The following TNFSF4 variants were observed in gnomAD, a reference collection of about 807,000 sequenced individuals.
TNFSF4 encodes the protein TNF superfamily member 4, also known as tumor necrosis factor ligand superfamily member 4.
Under a neutral mutation model 7.3 loss-of-function variants are expected in TNFSF4, and 4 were observed. That is an observed-to-expected ratio of 0.55 (90% CI 0.27 to 1.25). The LOEUF (loss-of-function observed/expected upper bound fraction) is 1.25, where lower values mean the gene tolerates loss of function less well. Ranked by LOEUF, TNFSF4 falls within the 50% of genes most tolerant of loss-of-function variation. The probability of loss-of-function intolerance (pLI) is 0.12; values close to 1 mark genes in which losing one functional copy is unlikely to be tolerated. For missense variants in TNFSF4, 181 were observed against 208.8 expected (o/e 0.87, Z 0.82); for synonymous variants, 76 against 83.7 (o/e 0.91, Z 0.50).
At chr1:173,360,735 C>A in the TNFSF4 span, among the ~76,000 whole-genome samples, 2 of 152,262 alleles carry the variant, frequency 1.3e-5, no homozygotes, top group East Asian at 3.9e-4. Context: ...AACTTCAGAG[C>A]AGGACTCACT....
chr1:173,207,879 C>T (rs944302132), upstream of TNFSF4, among the ~76,000 whole-genome samples: 1 of 152,206 alleles, frequency 6.6e-6, no homozygotes, highest in African/African-American at 2.4e-5. Context: ...GTGTCAGACA[C>T]TGTGTTAGAT....
At chr1:173,183,170 A>T (rs1362917839), downstream of TNFSF4, among the ~76,000 whole-genome samples, 6 of 152,192 alleles carry the variant, frequency 3.9e-5, no homozygotes, top group East Asian at 1.2e-3. Context: ...GTCCTGAAGT[A>T]CACCAGCATT....
At chr1:173,268,176 CA>C in the TNFSF4 span, among the ~76,000 whole-genome samples, 9 of 151,996 alleles carry the variant, frequency 5.9e-5, no homozygotes, top group African/African-American at 2.2e-4. Context: ...CCAAACAGAG[CA>C]AAAATGGTAA....
the TNFSF4 span, among the ~76,000 whole-genome samples, chr1:173,312,580 T>A: frequency 6.6e-6 from 1 of 152,094 alleles, no homozygotes; most frequent in East Asian, 1.9e-4. Context: ...CTAATGAAGA[T>A]AATGTTGAGG....
the TNFSF4 span, among the ~76,000 whole-genome samples, chr1:173,306,849 T>C: frequency 1.3e-5 from 2 of 151,898 alleles, no homozygotes; most frequent in African/African-American, 4.8e-5. Context: ...GGATTCGAAC[T>C]TCCCTGACTC....
At chr1:173,308,299 G>C in the TNFSF4 span, among the ~76,000 whole-genome samples, 2 of 149,688 alleles carry the variant, frequency 1.3e-5, no homozygotes, top group Non-Finnish European at 3.0e-5. Flanking sequence ...GTGTGTGTGT[G>C]TGTGTGTGTG....
the TNFSF4 span, among the ~76,000 whole-genome samples, chr1:173,290,961 A>G: frequency 1.3e-5 from 2 of 152,186 alleles, no homozygotes; most frequent in Non-Finnish European, 2.9e-5. Flanking sequence ...AAATTAAACA[A>G]CTTGCTCCTG....
chr1:173,299,685 G>A, the TNFSF4 span, among the ~76,000 whole-genome samples: 7 of 151,950 alleles, frequency 4.6e-5, no homozygotes, highest in South Asian at 1.0e-3. Context: ...GGCTTTATAT[G>A]GGATGATGCA....
At chr1:173,201,961 T>C (rs1649960653) in intron 1 of TNFSF4, among the ~76,000 whole-genome samples, 1 of 151,980 alleles carries the variant, frequency 6.6e-6, no homozygotes, top group South Asian at 2.1e-4. Context: ...CTAACCCAAA[T>C]GATGCAAAAG....
the TNFSF4 span, among the ~76,000 whole-genome samples, chr1:173,336,083 G>A: frequency 6.6e-6 from 1 of 152,170 alleles, no homozygotes; most frequent in Non-Finnish European, 1.5e-5. Flanking sequence ...GCATAATTAA[G>A]AGATATACTC....
chr1:173,269,343 A>T, the TNFSF4 span, among the ~76,000 whole-genome samples: 2 of 152,172 alleles, frequency 1.3e-5, no homozygotes, highest in Non-Finnish European at 2.9e-5. Context: ...ACTTCTTCAC[A>T]GTTTCACAGA....
At chr1:173,273,996 T>C in the TNFSF4 span, among the ~76,000 whole-genome samples, 1 of 152,050 alleles carries the variant, frequency 6.6e-6, no homozygotes, top group African/African-American at 2.4e-5. Context: ...GCAAGTGAAA[T>C]AGTGCAGAGA....
At chr1:173,301,065 T>C in the TNFSF4 span, among the ~76,000 whole-genome samples, 8 of 151,982 alleles carry the variant, frequency 5.3e-5, no homozygotes, top group Non-Finnish European at 1.2e-4. Context: ...AATTTCTTTA[T>C]GCCTAAGTCT....
the TNFSF4 span, among the ~76,000 whole-genome samples, chr1:173,428,230 C>A: frequency 7.2e-5 from 11 of 152,352 alleles, no homozygotes; most frequent in South Asian, 2.3e-3. Flanking sequence ...CAGGCGTGAG[C>A]CACCACGCCC....
the TNFSF4 span, among the ~76,000 whole-genome samples, chr1:173,284,320 C>T: frequency 4.6e-5 from 7 of 152,064 alleles, no homozygotes; most frequent in Admixed American, 3.9e-4. Context: ...GTAGCTAGAC[C>T]CTGGATAAAA....
intron 1 of TNFSF4, among the ~76,000 whole-genome samples, chr1:173,191,715 G>T (rs952605179): frequency 6.6e-5 from 10 of 152,188 alleles, no homozygotes; most frequent in Admixed American, 6.5e-5. Flanking sequence ...TGACTTCTCT[G>T]GTTCTTTGAA....
At chr1:173,440,189 T>C in the TNFSF4 span, among the ~76,000 whole-genome samples, 1 of 152,196 alleles carries the variant, frequency 6.6e-6, no homozygotes. Flanking sequence ...CCAGAGAACA[T>C]GCAGAACATC....
the TNFSF4 span, among the ~76,000 whole-genome samples, chr1:173,299,388 AG>A: frequency 4.0e-5 from 6 of 151,886 alleles, no homozygotes; most frequent in Admixed American, 1.3e-4. Flanking sequence ...CCTTGCCCCA[AG>A]GTGTTAGGAT....
the TNFSF4 span, among the ~76,000 whole-genome samples, chr1:173,288,022 G>A: frequency 3.3e-5 from 5 of 152,068 alleles, no homozygotes; most frequent in Non-Finnish European, 4.4e-5. Context: ...TAAGATTTGT[G>A]TATTTTACCA....
Sources: allele counts gnomAD v4.1 joint callset (sites outside exome capture counted in the v4.1 genomes callset), GRCh38; gene constraint gnomAD v4.1.1; transcripts MANE v1.5; gene names NCBI Gene and HGNC (gene_info 2026-07-23, HGNC 2026-07-21).